The following PCDH9 variants were observed in gnomAD, a reference collection of about 807,000 sequenced individuals.
The protein encoded by PCDH9 is protocadherin 9.
PCDH9 carries 24 observed loss-of-function variants against 70.6 expected under a neutral mutation model. That is an observed-to-expected ratio of 0.34 (90% CI 0.25 to 0.48). PCDH9 has a LOEUF of 0.48. PCDH9 is among the 20% of genes least tolerant of loss of function. The probability of loss-of-function intolerance (pLI) is 0.99; values close to 1 mark genes in which losing one functional copy is unlikely to be tolerated. For synonymous variants in PCDH9, 562 were observed against 558.5 expected (o/e 1.01, Z -0.09); for missense variants, 1,281 against 1,503.6 (o/e 0.85, Z 2.45).
At chr13:67,187,045 C>T (rs1350738252) in intron 2 of PCDH9, among the ~76,000 whole-genome samples, 1 of 152,094 alleles carries the variant, frequency 6.6e-6, no homozygotes, top group Non-Finnish European at 1.5e-5. Flanking sequence ...CACATTTTTC[C>T]TCTAAACTTT....
intron 4 of PCDH9, among the ~76,000 whole-genome samples, chr13:66,326,992 TC>T: frequency 6.6e-6 from 1 of 152,154 alleles, no homozygotes; most frequent in South Asian, 2.1e-4. Context: ...TTTTTGTTTT[TC>T]TTTTTTTTTT....
rs572503093 is a variant in PCDH9, at chr13:67,165,894, T to A, written c.3036+59511A>T. Among the ~76,000 whole-genome samples, 3 of 152,354 alleles carry A rather than the reference T, an allele frequency of 2.0e-5. No individual in the cohort carries two copies. In the East Asian group the frequency reaches 5.8e-4, roughly 29 times the overall value. On this transcript the variant is annotated intron_variant, in intron 2 of 4. Coordinates refer to ENST00000377865, the MANE Select transcript of PCDH9 (RefSeq NM_203487.3). Reference sequence around the variant, plus strand: ...TAGTTTGTTGATGTATGATTACTTCTTAACAGCCTCTCATGCTCTGTAAAT... The same window carrying A: ...TAGTTTGTTGATGTATGATTACTTCATAACAGCCTCTCATGCTCTGTAAAT...
At position 66,545,225 on chromosome 13, in the gene PCDH9, A is replaced by G. The variant is rs181246665; in HGVS notation, c.3340+85985T>C. Among the ~76,000 whole-genome samples, 221 of 152,270 alleles carry G rather than the reference A, an allele frequency of 1.5e-3. 2 individuals carry two copies. Among genetic ancestry groups the G allele is most frequent in the East Asian group, 4.3e-3 (22 of 5,176 alleles). On this transcript the variant is annotated intron_variant, in intron 4 of 4. Transcript: ENST00000377865. ...AATCAAGGCAAATAGGAAAATAGCTATTTGCATTGAGAAATCTACATATTT... is the reference window on the plus strand; with the variant it reads ...AATCAAGGCAAATAGGAAAATAGCTGTTTGCATTGAGAAATCTACATATTT...
chr13:66,519,552 G>C (rs1959893933), intron 4 of PCDH9, among the ~76,000 whole-genome samples: 1 of 152,052 alleles, frequency 6.6e-6, no homozygotes, highest in Admixed American at 6.6e-5. Context: ...AGTTAGTCTA[G>C]AGAATCCCTA....
chr13:66,745,755 T>A (rs985611126), intron 3 of PCDH9, among the ~76,000 whole-genome samples: 10 of 152,204 alleles, frequency 6.6e-5, no homozygotes, highest in Non-Finnish European at 1.0e-4. Flanking sequence ...ATATTTTTTT[T>A]AATGTGTGCA....
At chr13:66,727,824 A>T (rs1250028309) in intron 3 of PCDH9, among the ~76,000 whole-genome samples, 1 of 152,150 alleles carries the variant, frequency 6.6e-6, no homozygotes, top group Non-Finnish European at 1.5e-5. Flanking sequence ...GTGGGGTCTC[A>T]GTATTGAAGA....
chr13:66,807,682 T>C (rs1376638660), intron 3 of PCDH9, among the ~76,000 whole-genome samples: 1 of 152,208 alleles, frequency 6.6e-6, no homozygotes, highest in Non-Finnish European at 1.5e-5. Context: ...TTGAATATTT[T>C]CAAATGTATA....
chr13:66,672,657 G>C (rs9571613), intron 3 of PCDH9, among the ~76,000 whole-genome samples: 45,827 of 152,160 alleles, frequency 0.3, 8,097 homozygotes, highest in East Asian at 0.56. Context: ...CAGTTGGGAG[G>C]GGGGCTGTAC....
At chr13:66,331,833 C>T (rs1955947907) in intron 4 of PCDH9, among the ~76,000 whole-genome samples, 1 of 152,130 alleles carries the variant, frequency 6.6e-6, no homozygotes, top group South Asian at 2.1e-4. Context: ...GAGACTTTAC[C>T]TGAAGCACAA....
At chr13:66,385,646 A>G (rs940806702) in intron 4 of PCDH9, among the ~76,000 whole-genome samples, 1 of 152,156 alleles carries the variant, frequency 6.6e-6, no homozygotes, top group Admixed American at 6.5e-5. Flanking sequence ...GTATTTTTTC[A>G]TTATTCCTTC....
chr13:67,139,627 T>C (rs556736539), intron 2 of PCDH9, among the ~76,000 whole-genome samples: 1 of 152,270 alleles, frequency 6.6e-6, no homozygotes, highest in East Asian at 1.9e-4. Flanking sequence ...ACTTTAAAAT[T>C]AGAAGTGTCC....
chr13:66,439,336 T>G (rs527590315), intron 4 of PCDH9, among the ~76,000 whole-genome samples: 2 of 151,920 alleles, frequency 1.3e-5, no homozygotes, highest in Non-Finnish European at 2.9e-5. Flanking sequence ...AAGACAATGG[T>G]TTTTTTTAGC....
At chr13:66,954,312 G>T (rs572294408) in intron 2 of PCDH9, among the ~76,000 whole-genome samples, 1 of 152,186 alleles carries the variant, frequency 6.6e-6, no homozygotes, top group Non-Finnish European at 1.5e-5. Context: ...CAACAATCCT[G>T]CAAGATAAAA....
chr13:66,946,281 T>C (rs974977826), intron 2 of PCDH9, among the ~76,000 whole-genome samples: 1 of 152,156 alleles, frequency 6.6e-6, no homozygotes, highest in African/African-American at 2.4e-5. Context: ...CATTAAATAT[T>C]AGTATAATTA....
intron 4 of PCDH9, among the ~76,000 whole-genome samples, chr13:66,476,621 T>C (rs1419530025): frequency 6.6e-6 from 1 of 152,022 alleles, no homozygotes; most frequent in African/African-American, 2.4e-5. Context: ...ATAATATCTC[T>C]GTCACAAAGT....
At chr13:66,321,134 A>G (rs1955746089) in intron 4 of PCDH9, among the ~76,000 whole-genome samples, 2 of 151,994 alleles carry the variant, frequency 1.3e-5, no homozygotes, top group African/African-American at 4.8e-5. Context: ...GTAAATATAT[A>G]CCAATGATTA....
intron 3 of PCDH9, among the ~76,000 whole-genome samples, chr13:66,748,941 C>T (rs1566168465): frequency 6.6e-6 from 1 of 152,142 alleles, no homozygotes; most frequent in Non-Finnish European, 1.5e-5. Flanking sequence ...CCACCCCATG[C>T]TGTTCTCATG....
chr13:66,499,323 CAAAT>C (rs1266626180), intron 4 of PCDH9, among the ~76,000 whole-genome samples: 24 of 151,980 alleles, frequency 1.6e-4, no homozygotes, highest in Admixed American at 5.2e-4. Context: ...CTATATATAA[CAAAT>C]AAATTTCTAA....
chr13:67,207,049 T>C (rs2089366306), intron 2 of PCDH9: 1 of 152,074 alleles, frequency 6.6e-6, no homozygotes, highest in African/African-American at 2.4e-5. Flanking sequence ...TGTCTGTGAA[T>C]GTTCATTGTA....
Sources: allele counts gnomAD v4.1 joint callset (sites outside exome capture counted in the v4.1 genomes callset), GRCh38; gene constraint gnomAD v4.1.1; transcripts MANE v1.5; gene names NCBI Gene and HGNC (gene_info 2026-07-23, HGNC 2026-07-21).